PCCA: variants seen among roughly 807,000 people sequenced by gnomAD.
PCCA encodes the protein propionyl-CoA carboxylase subunit alpha, also known as propionyl-CoA carboxylase alpha chain, mitochondrial.
Under a neutral mutation model 101.3 loss-of-function variants are expected in PCCA, and 74 were observed. That is an observed-to-expected ratio of 0.73 (90% CI 0.61 to 0.89). The LOEUF (loss-of-function observed/expected upper bound fraction) is 0.89. Among genes scored for constraint, PCCA ranks in the 40% least tolerant of loss-of-function variants. The pLI, the probability that PCCA is intolerant of heterozygous loss-of-function variation, is 0.00. For missense variants in PCCA, 891 were observed against 907.0 expected, an observed-to-expected ratio of 0.98 and a Z score of 0.23; for synonymous variants, 294 against 313.6, an observed-to-expected ratio of 0.94 and a Z score of 0.66.
At chr13:100,413,284 C>A (rs148706034) in intron 19 of PCCA, among the ~76,000 whole-genome samples, 1 of 152,128 alleles carries the variant, frequency 6.6e-6, no homozygotes. Context: ...AAAGGAAATA[C>A]GTAGCCATTT....
intron 12 of PCCA, among the ~76,000 whole-genome samples, chr13:100,275,059 G>C (rs531486785): frequency 2.6e-5 from 4 of 151,166 alleles, no homozygotes; most frequent in Admixed American, 6.6e-5. Context: ...GAGGGGGTGG[G>C]GGGGGAGGGG....
intron 19 of PCCA, among the ~76,000 whole-genome samples, chr13:100,385,854 C>G (rs2076472128): frequency 6.6e-6 from 1 of 152,186 alleles, no homozygotes; most frequent in Admixed American, 6.5e-5. Context: ...TGAAACAATC[C>G]ACCTGCCTTG....
chr13:100,114,205 C>A (rs931567963), intron 4 of PCCA, among the ~76,000 whole-genome samples: 5 of 151,996 alleles, frequency 3.3e-5, no homozygotes, highest in Non-Finnish European at 7.4e-5. Context: ...AACTACCCAT[C>A]TGATGAGGGA....
intron 4 of PCCA, chr13:100,151,001 T>C (rs2053244087): frequency 2.0e-6 from 3 of 1,527,334 alleles, no homozygotes; most frequent in Non-Finnish European, 1.8e-6. Context: ...AGCAGAGAGC[T>C]GGCGGTACTG....
At chr13:100,331,844 G>A (rs1047818081) in intron 17 of PCCA, among the ~76,000 whole-genome samples, 5 of 144,710 alleles carry the variant, frequency 3.5e-5, no homozygotes, top group Admixed American at 6.9e-5. Flanking sequence ...TTTATCCCTA[G>A]CACAAAACAT....
chr13:100,099,967 C>T (rs1343040054), intron 1 of PCCA, among the ~76,000 whole-genome samples: 1 of 152,116 alleles, frequency 6.6e-6, no homozygotes, highest in African/African-American at 2.4e-5. Context: ...CTATATTATT[C>T]TCTAATGGTA....
intron 6 of PCCA, among the ~76,000 whole-genome samples, chr13:100,171,671 T>A (rs777646227): frequency 5.9e-5 from 9 of 152,152 alleles, no homozygotes; most frequent in African/African-American, 2.2e-4. Flanking sequence ...AGAGGATCAC[T>A]TGAGTCCAGG....
chr13:100,281,102 A>C (rs2064075014), intron 12 of PCCA, among the ~76,000 whole-genome samples: 1 of 152,240 alleles, frequency 6.6e-6, no homozygotes, highest in African/African-American at 2.4e-5. Context: ...ACTTTATTTC[A>C]TAATGGCCCC....
At chr13:100,227,001 G>T (rs536238345) in intron 7 of PCCA, among the ~76,000 whole-genome samples, 1 of 152,158 alleles carries the variant, frequency 6.6e-6, no homozygotes, top group Non-Finnish European at 1.5e-5. Flanking sequence ...CTGGCATAGC[G>T]CCTGTGTTCT....
intron 21 of PCCA, among the ~76,000 whole-genome samples, chr13:100,508,206 A>T (rs1594067062): frequency 6.6e-6 from 1 of 152,172 alleles, no homozygotes; most frequent in East Asian, 1.9e-4. Flanking sequence ...TAGCCTTAAG[A>T]TGGTTCTTTT....
At chr13:100,189,376 C>T (rs1452367660) in intron 6 of PCCA, among the ~76,000 whole-genome samples, 1 of 152,058 alleles carries the variant, frequency 6.6e-6, no homozygotes, top group Non-Finnish European at 1.5e-5. Context: ...TATCGTAGAA[C>T]GATTTATAAT....
intron 4 of PCCA, chr13:100,149,612 G>A (rs2053045837): frequency 6.6e-6 from 1 of 152,220 alleles, no homozygotes; most frequent in African/African-American, 2.4e-5. Context: ...GCCAAGGAGT[G>A]CATCTAGTCC....
chr13:100,265,518 C>T (rs978733456), intron 10 of PCCA, among the ~76,000 whole-genome samples: 1 of 152,020 alleles, frequency 6.6e-6, no homozygotes, highest in Non-Finnish European at 1.5e-5. Flanking sequence ...TTTGAATTTC[C>T]GTGAAAAGTT....
chr13:100,492,017 G>T lies in PCCA; in HGVS notation c.1900-23410G>T, dbSNP rs538026602. On this transcript the variant is annotated intron_variant, in intron 21 of 23. Transcript: ENST00000376285. Reference sequence around the variant, plus strand: ...AGAAGTTTTTTGGAATGTAGGGAAAGAATTACTTAGAAAAGGTTCATCTAC... The same window carrying T: ...AGAAGTTTTTTGGAATGTAGGGAAATAATTACTTAGAAAAGGTTCATCTAC... Among the ~76,000 whole-genome samples the T allele has an allele frequency of 1.8e-3, 273 of 152,246 alleles. 3 individuals carry two copies. The highest frequency in any genetic ancestry group is 6.3e-3 in the African/African-American group (263 of 41,530).
chr13:100,485,790 C>G, intron 21 of PCCA, among the ~76,000 whole-genome samples: 1 of 152,166 alleles, frequency 6.6e-6, no homozygotes, highest in Admixed American at 6.5e-5. Flanking sequence ...TGTGAGGCAC[C>G]ATAGATTCTC....
In PCCA at chr13:100,113,918, A is replaced by T. The variant is rs548248041; in HGVS notation, c.300+1857A>T. Among the ~76,000 whole-genome samples, 34 of 152,348 alleles carry T rather than the reference A, an allele frequency of 2.2e-4. No homozygotes were observed. The South Asian group carries it at 6.6e-3, about 30-fold the overall frequency. ...TTCATAATAAAACAGCATAAAATGC[A>T]AACACTGTATAACTGTACAAAAATG... On this transcript the variant is annotated intron_variant, in intron 4 of 23. Transcript: ENST00000376285.
At chr13:100,287,937 A>G (rs1415631323) in intron 12 of PCCA, among the ~76,000 whole-genome samples, 1 of 152,202 alleles carries the variant, frequency 6.6e-6, no homozygotes, top group Non-Finnish European at 1.5e-5. Flanking sequence ...AAACCGTTTG[A>G]TACCTTCACA....
chr13:100,271,423 A>G (rs1035878877), intron 11 of PCCA, among the ~76,000 whole-genome samples: 1 of 152,126 alleles, frequency 6.6e-6, no homozygotes, highest in African/African-American at 2.4e-5. Flanking sequence ...AATATATTCA[A>G]GGCTCTGAGT....
intron 12 of PCCA, among the ~76,000 whole-genome samples, chr13:100,280,553 C>T (rs2064019482): frequency 6.6e-6 from 1 of 152,106 alleles, no homozygotes; most frequent in Non-Finnish European, 1.5e-5. Flanking sequence ...TCTGACCATA[C>T]TTCTCCCTCA....
Sources: gnomAD v4.1 joint callset for allele counts (sites outside exome capture counted in the v4.1 genomes callset) on GRCh38, gnomAD v4.1.1 for gene constraint, MANE v1.5 for transcripts, NCBI Gene and HGNC (gene_info 2026-07-23, HGNC 2026-07-21) for gene names.